METTL15: variants seen among roughly 807,000 people sequenced by gnomAD.
The protein encoded by METTL15 is methyltransferase 15, mitochondrial 12S rRNA N4-cytidine, also known as 12S rRNA N(4)-cytidine methyltransferase METTL15.
In METTL15, 34 loss-of-function variants were observed where a neutral mutation model predicts 38.3. The observed-to-expected ratio is 0.89, with a 90% confidence interval of 0.68 to 1.18. METTL15 has a LOEUF of 1.18. Among genes scored for constraint, METTL15 ranks in the 50% most tolerant of loss-of-function variants. The pLI is 0.00. For synonymous variants in METTL15, 162 were observed against 170.9 expected (o/e 0.95, Z 0.41); for missense variants, 438 against 498.4 (o/e 0.88, Z 1.15).
intron 3 of METTL15, among the ~76,000 whole-genome samples, chr11:28,164,458 T>A (rs1301998141): frequency 1.3e-5 from 2 of 151,974 alleles, no homozygotes; most frequent in African/African-American, 4.8e-5. Context: ...AATTTATAGG[T>A]TTTTCCCCCA....
chr11:28,376,851 C>G (rs573361594), intron 5 of METTL15, among the ~76,000 whole-genome samples: 101 of 144,924 alleles, frequency 7.0e-4, no homozygotes, highest in African/African-American at 2.4e-3. Flanking sequence ...TTAGGGCAGG[C>G]CTGGTGGTGC....
At chr11:28,529,943 C>T (rs1426508483), downstream of METTL15, among the ~76,000 whole-genome samples, 2 of 152,102 alleles carry the variant, frequency 1.3e-5, no homozygotes, top group African/African-American at 4.8e-5. Context: ...CAGAAAATAG[C>T]TCCATAAAAT....
chr11:28,139,363 C>CT (rs1255931961), intron 3 of METTL15, among the ~76,000 whole-genome samples: 1 of 152,074 alleles, frequency 6.6e-6, no homozygotes, highest in Non-Finnish European at 1.5e-5. Flanking sequence ...TCCCTAGTTC[C>CT]TTTTTTCTCC....
intron 5 of METTL15, among the ~76,000 whole-genome samples, chr11:28,293,141 C>T (rs1856588182): frequency 1.3e-5 from 2 of 152,092 alleles, no homozygotes; most frequent in South Asian, 4.2e-4. Context: ...ATGCCTATGT[C>T]CTGAATGGTA....
intron 6 of METTL15, among the ~76,000 whole-genome samples, chr11:28,323,936 C>T (rs1319815093): frequency 6.6e-6 from 1 of 152,096 alleles, no homozygotes; most frequent in East Asian, 1.9e-4. Context: ...CATGAATTTT[C>T]CCAGCATTAC....
intron 3 of METTL15, among the ~76,000 whole-genome samples, chr11:28,341,322 A>C (rs1490644505): frequency 1.3e-5 from 2 of 152,240 alleles, no homozygotes; most frequent in Non-Finnish European, 2.9e-5. Flanking sequence ...TAATTAAAAA[A>C]AATTTGCTAT....
chr11:28,173,500 G>A (rs1326775401), intron 3 of METTL15, among the ~76,000 whole-genome samples: 1 of 152,094 alleles, frequency 6.6e-6, no homozygotes, highest in East Asian at 1.9e-4. Flanking sequence ...TAAGCCACCT[G>A]GTTTATGGTA....
intron 6 of METTL15, among the ~76,000 whole-genome samples, chr11:28,299,468 A>C (rs11030275): frequency 0.04 from 6,021 of 152,132 alleles, 296 homozygotes; most frequent in African/African-American, 0.12. Flanking sequence ...TCATCAGTTT[A>C]TGTAATATGT....
chr11:28,500,818 C>T (rs886829646), intron 6 of METTL15, among the ~76,000 whole-genome samples: 12 of 152,152 alleles, frequency 7.9e-5, no homozygotes, highest in African/African-American at 1.4e-4. Context: ...CCACTGCACC[C>T]GGCTTTGAAT....
intron 4 of METTL15, among the ~76,000 whole-genome samples, chr11:28,230,610 G>T (rs552130643): frequency 2.2e-4 from 33 of 151,828 alleles, no homozygotes; most frequent in African/African-American, 4.1e-4. Flanking sequence ...TCATGTTTGG[G>T]CTTCTGAGTT....
chr11:28,364,382 G>A (rs1181382071), intron 5 of METTL15, among the ~76,000 whole-genome samples: 1 of 152,044 alleles, frequency 6.6e-6, no homozygotes, highest in South Asian at 2.1e-4. Flanking sequence ...AGTTCTCCTT[G>A]TAGAGGTCTT....
intron 3 of METTL15, among the ~76,000 whole-genome samples, chr11:28,206,273 T>C (rs1316110842): frequency 3.9e-5 from 6 of 151,908 alleles, no homozygotes; most frequent in Admixed American, 2.6e-4. Context: ...CCATCTTGAA[T>C]TAATTTTTGT....
intron 3 of METTL15, among the ~76,000 whole-genome samples, chr11:28,162,630 AC>A (rs1202070084): frequency 6.6e-6 from 1 of 152,168 alleles, no homozygotes; most frequent in African/African-American, 2.4e-5. Context: ...AATATACTTA[AC>A]CTACTGAACA....
chr11:28,242,196 T>C (rs948308296), intron 4 of METTL15, among the ~76,000 whole-genome samples: 1 of 152,244 alleles, frequency 6.6e-6, no homozygotes, highest in Non-Finnish European at 1.5e-5. Context: ...TATTAGCATA[T>C]ACTTATTTGT....
chr11:28,171,824 C>G (rs982757677), intron 3 of METTL15, among the ~76,000 whole-genome samples: 1 of 151,302 alleles, frequency 6.6e-6, no homozygotes, highest in East Asian at 1.9e-4. Flanking sequence ...CAGGGTATTC[C>G]TCTATCACCC....
chr11:28,122,357 GTGTGTGTGTGTGTGTATA>G (rs1156406442), intron 3 of METTL15, among the ~76,000 whole-genome samples: 4 of 120,248 alleles, frequency 3.3e-5, no homozygotes, highest in African/African-American at 1.1e-4. Context: ...GTGTGTGTGT[GTGTGTGTGTGTGTGTATA>G]TATATATATA....
chr11:28,154,596 T>A (rs1565128602), intron 3 of METTL15, among the ~76,000 whole-genome samples: 1 of 152,162 alleles, frequency 6.6e-6, no homozygotes. Context: ...AAAGTTGTAA[T>A]GTCAGAGGTC....
At chr11:28,269,800 T>C (rs1244802404) in intron 4 of METTL15, among the ~76,000 whole-genome samples, 1 of 152,228 alleles carries the variant, frequency 6.6e-6, no homozygotes, top group South Asian at 2.1e-4. Context: ...CATCCATGCA[T>C]GGAGTTAAAG....
At chr11:28,243,780 G>A (rs931109687) in intron 4 of METTL15, among the ~76,000 whole-genome samples, 3 of 152,086 alleles carry the variant, frequency 2.0e-5, no homozygotes, top group Non-Finnish European at 4.4e-5. Flanking sequence ...TTCCTCATGA[G>A]TCTTCCCCCG....
Sources: gnomAD v4.1 joint callset for allele counts (sites outside exome capture counted in the v4.1 genomes callset) on GRCh38, gnomAD v4.1.1 for gene constraint, MANE v1.5 for transcripts, NCBI Gene and HGNC (gene_info 2026-07-23, HGNC 2026-07-21) for gene names.